The following ZNF138 variants were observed in gnomAD, a reference collection of about 807,000 sequenced individuals.
The protein encoded by ZNF138 is zinc finger protein 138 (clone pHZ-32).
Under a neutral mutation model 33.0 loss-of-function variants are expected in ZNF138, and 33 were observed. The observed-to-expected ratio is 1.00, with a 90% confidence interval of 0.76 to 1.34. ZNF138 has a LOEUF of 1.34. Among genes scored for constraint, ZNF138 ranks in the 40% most tolerant of loss-of-function variants. ZNF138 has a pLI of 0.00. For missense variants in ZNF138, 360 were observed against 370.8 expected, an observed-to-expected ratio of 0.97 and a Z score of 0.24; for synonymous variants, 139 against 120.4, an observed-to-expected ratio of 1.15 and a Z score of -1.01.
At chr7:64,796,278 C>T (rs1398423736) in intron 1 of ZNF138, among the ~76,000 whole-genome samples, 1 of 152,146 alleles carries the variant, frequency 6.6e-6, no homozygotes, top group Admixed American at 6.5e-5. Flanking sequence ...CATAGTGCAG[C>T]GTCTTCAGAG....
chr7:64,804,861 C>T (rs1003011400), intron 1 of ZNF138, among the ~76,000 whole-genome samples: 7 of 152,184 alleles, frequency 4.6e-5, no homozygotes, highest in Admixed American at 1.3e-4. Flanking sequence ...ATGAGAGCGG[C>T]AGAGATGGAA....
At chr7:64,839,959 G>T in the ZNF138 span, among the ~76,000 whole-genome samples, 2 of 151,832 alleles carry the variant, frequency 1.3e-5, no homozygotes, top group African/African-American at 4.8e-5. Flanking sequence ...AAGGTGCAGC[G>T]CACTTTTATG....
chr7:64,837,482 C>T (rs143570773), downstream of ZNF138, among the ~76,000 whole-genome samples: 2 of 151,958 alleles, frequency 1.3e-5, no homozygotes, highest in Non-Finnish European at 2.9e-5. Context: ...TCACAGGGAG[C>T]TCTTGAAAGA....
At chr7:64,841,553 G>T in the ZNF138 span, among the ~76,000 whole-genome samples, 1 of 152,168 alleles carries the variant, frequency 6.6e-6, no homozygotes, top group Non-Finnish European at 1.5e-5. Flanking sequence ...TTCTTCCCGT[G>T]GAGATAACAA....
chr7:64,797,244 C>T (rs1370166405), intron 1 of ZNF138, among the ~76,000 whole-genome samples: 1 of 152,032 alleles, frequency 6.6e-6, no homozygotes, highest in African/African-American at 2.4e-5. Flanking sequence ...CTTGGTCTAT[C>T]CTAGAAGTGT....
At chr7:64,840,739 G>T in the ZNF138 span, among the ~76,000 whole-genome samples, 25 of 151,784 alleles carry the variant, frequency 1.6e-4, no homozygotes, top group African/African-American at 5.6e-4. Context: ...AATTTGTTAT[G>T]TATTTTTCTT....
Position 64,815,572 on chromosome 7 carries a change from C to T in ZNF138, c.131-4C>T, listed in dbSNP as rs549895621. ...TAAAACAAGTATTGCTATCTCTAAGCCAGACCTGATTACCTGTCTGGAACA... is the reference window on the plus strand; with the variant it reads ...TAAAACAAGTATTGCTATCTCTAAGTCAGACCTGATTACCTGTCTGGAACA... On this transcript the variant is annotated splice_region_variant and splice_polypyrimidine_tract_variant and intron_variant, in intron 2 of 3. Transcript: ENST00000307355. 5.0e-6 allele frequency: 8 copies of T among 1,609,954 alleles called. No individual in the cohort carries two copies. In the African/African-American group the frequency reaches 9.4e-5, roughly 19 times the overall value.
chr7:64,827,951 T>C (rs1214507501), intron 3 of ZNF138, among the ~76,000 whole-genome samples: 2 of 152,206 alleles, frequency 1.3e-5, no homozygotes, highest in African/African-American at 4.8e-5. Flanking sequence ...ATGAACCATA[T>C]GTCTACTGCC....
intron 3 of ZNF138, among the ~76,000 whole-genome samples, chr7:64,822,403 A>G (rs370664642): frequency 1.4e-4 from 21 of 151,658 alleles, no homozygotes; most frequent in African/African-American, 4.9e-4. Flanking sequence ...TTTTTCTTAC[A>G]TTCATTTCTA....
At chr7:64,798,794 A>T (rs78848782) in intron 1 of ZNF138, among the ~76,000 whole-genome samples, 8,806 of 150,988 alleles carry the variant, frequency 0.058, 306 homozygotes, top group East Asian at 0.14. Flanking sequence ...AAAAAAAAAA[A>T]GGAAATTCTT....
At chr7:64,821,036 T>TTTC (rs1000908783) in intron 3 of ZNF138, among the ~76,000 whole-genome samples, 15 of 530 alleles carry the variant, frequency 0.028, no homozygotes, top group African/African-American at 0.032. Flanking sequence ...GAGGTGATTG[T>TTTC]TTTTTTTTGT....
chr7:64,827,395 C>T (rs1484332138), intron 3 of ZNF138, among the ~76,000 whole-genome samples: 1 of 152,030 alleles, frequency 6.6e-6, no homozygotes, highest in East Asian at 1.9e-4. Context: ...CAGGCACCCG[C>T]CACCACGCCT....
the ZNF138 span, chr7:64,852,352 G>T: frequency 8.3e-7 from 1 of 1,209,434 alleles, no homozygotes; most frequent in Non-Finnish European, 1.2e-6. Context: ...AAAGGAAATA[G>T]ATCTATTTAA....
chr7:64,832,168 G>A lies in ZNF138; in HGVS notation c.926G>A (p.Cys309Tyr), dbSNP rs774262656. 11 of 1,609,992 alleles carry A rather than the reference G, an allele frequency of 6.8e-6. No homozygotes were observed. In the East Asian group the frequency reaches 2.0e-4, roughly 29 times the overall value. Reference protein sequence around the residue: ...IIYTGEEPYKCEECGKAFNLS With the variant: ...IIYTGEEPYKYEECGKAFNLS ...TATACTGGAGAGGAACCATACAAAT[G>A]TGAGGAATGTGGCAAAGCTTTTAAC... Residue 309 changes from cysteine to tyrosine, a missense_variant, in exon 4 of 4, where the codon TGT becomes TAT. By Grantham distance (194) the Cys-to-Tyr change is radical (BLOSUM62 -2). Transcript: ENST00000307355.
intron 3 of ZNF138, among the ~76,000 whole-genome samples, chr7:64,822,454 A>T (rs71562926): frequency 0.11 from 17,097 of 151,192 alleles, 1,377 homozygotes; most frequent in East Asian, 0.26. Context: ...CATTTTTTTT[A>T]AAAAAATATT....
chr7:64,809,474 GGCTGGC>G (rs1238610140), intron 1 of ZNF138, among the ~76,000 whole-genome samples: 1 of 9,730 alleles, frequency 1.0e-4, no homozygotes, highest in African/African-American at 2.5e-4. Flanking sequence ...CGGATGGGGC[GGCTGGC>G]CGGGCGGGGG....
chr7:64,831,586 A>G lies in ZNF138; in HGVS notation c.344A>G (p.Asp115Gly), dbSNP rs1318442330. 1.2e-6 allele frequency: 2 copies of G among 1,613,530 alleles called. No homozygotes were observed. Among genetic ancestry groups the G allele is most frequent in the African/African-American group, 1.3e-5 (1 of 74,932 alleles). Reference sequence around the variant, plus strand: ...TTAAGAAAAGGCTGTAAAAGTGTGGATGAGTGTAAGGGACACCAAGGAGGT... The same window carrying G: ...TTAAGAAAAGGCTGTAAAAGTGTGGGTGAGTGTAAGGGACACCAAGGAGGT... ...LQLRKGCKSV[D>G]ECKGHQGGFN... The change falls in exon 4 of 4, where the codon GAT (aspartate) becomes GGT (glycine). Residue 115 changes from aspartate to glycine, a missense_variant. By Grantham distance (94) the Asp-to-Gly change is moderately conservative. Coordinates refer to ENST00000307355, the MANE Select transcript of ZNF138 (RefSeq NM_001271639.2).
At chr7:64,811,880 A>C (rs967379102) in intron 1 of ZNF138, among the ~76,000 whole-genome samples, 1 of 152,250 alleles carries the variant, frequency 6.6e-6, no homozygotes, top group Non-Finnish European at 1.5e-5. Flanking sequence ...CCAAACCTGC[A>C]GTATCACATT....
At chr7:64,829,963 C>CAATGTAGTAAA (rs1427443147) in intron 3 of ZNF138, among the ~76,000 whole-genome samples, 1 of 152,030 alleles carries the variant, frequency 6.6e-6, no homozygotes, top group Non-Finnish European at 1.5e-5. Flanking sequence ...GCACAAATGG[C>CAATGTAGTAAA]AGTGCCAATA....
Sources: gnomAD v4.1 joint callset for allele counts (sites outside exome capture counted in the v4.1 genomes callset) on GRCh38, gnomAD v4.1.1 for gene constraint, MANE v1.5 for transcripts, NCBI Gene and HGNC (gene_info 2026-07-23, HGNC 2026-07-21) for gene names.